The following TMEM232 variants were observed in gnomAD, a reference collection of about 807,000 sequenced individuals.
The protein encoded by TMEM232 is transmembrane protein 232.
A neutral mutation model predicts 78.8 loss-of-function variants in TMEM232; 80 were observed. That is an observed-to-expected ratio of 1.01 (90% CI 0.85 to 1.22). The LOEUF (loss-of-function observed/expected upper bound fraction) is 1.22, where lower values mean the gene tolerates loss of function less well. Ranked by LOEUF, TMEM232 falls within the 50% of genes most tolerant of loss-of-function variation. The pLI is 0.00. For missense variants in TMEM232, 881 were observed against 742.2 expected, an observed-to-expected ratio of 1.19 and a Z score of -2.17; for synonymous variants, 297 against 254.3, an observed-to-expected ratio of 1.17 and a Z score of -1.60.
At chr5:110,649,495 TA>T (rs1466105508) in intron 2 of TMEM232, among the ~76,000 whole-genome samples, 2 of 152,124 alleles carry the variant, frequency 1.3e-5, no homozygotes, top group Non-Finnish European at 2.9e-5. Flanking sequence ...TGTATACTTT[TA>T]ATTATAGCAG....
intron 12 of TMEM232, among the ~76,000 whole-genome samples, chr5:110,425,624 T>C (rs1259890502): frequency 1.3e-5 from 2 of 152,090 alleles, no homozygotes; most frequent in Non-Finnish European, 2.9e-5. Flanking sequence ...CTCTACATTC[T>C]TGACACCCGA....
chr5:110,442,404 T>C (rs1444527434), intron 12 of TMEM232, among the ~76,000 whole-genome samples: 1 of 151,956 alleles, frequency 6.6e-6, no homozygotes, highest in Non-Finnish European at 1.5e-5. Flanking sequence ...AGTTCTGCTA[T>C]TAAGAGACTC....
chr5:110,594,346 A>G (rs1779891938), intron 10 of TMEM232, among the ~76,000 whole-genome samples: 1 of 152,112 alleles, frequency 6.6e-6, no homozygotes, highest in South Asian at 2.1e-4. Flanking sequence ...CTATACCACC[A>G]GGGCCCCAGG....
chr5:110,568,352 A>G, intron 11 of TMEM232, 95 bp downstream of exon 11: 1 of 1,141,150 alleles, frequency 8.8e-7, no homozygotes, highest in Non-Finnish European at 1.2e-6. Context: ...ATTAATACTC[A>G]CTGAATGTAG....
intron 2 of TMEM232, among the ~76,000 whole-genome samples, chr5:110,649,793 T>G (rs1405670887): frequency 6.6e-6 from 1 of 152,126 alleles, no homozygotes; most frequent in Non-Finnish European, 1.5e-5. Flanking sequence ...TTTTACTTAT[T>G]AAGCTTTTTT....
At chr5:110,649,144 C>T (rs1172439047) in intron 2 of TMEM232, among the ~76,000 whole-genome samples, 3 of 151,818 alleles carry the variant, frequency 2.0e-5, no homozygotes, top group Admixed American at 6.6e-5. Context: ...ACAATATAGA[C>T]GATCTTACAA....
intron 2 of TMEM232, among the ~76,000 whole-genome samples, chr5:110,411,404 A>G (rs1755992507): frequency 6.6e-6 from 1 of 151,606 alleles, no homozygotes; most frequent in African/African-American, 2.4e-5. Flanking sequence ...CTCCTTTTTG[A>G]TAGGATATTT....
chr5:110,414,414 A>G (rs1756111694), intron 2 of TMEM232, among the ~76,000 whole-genome samples: 1 of 152,248 alleles, frequency 6.6e-6, no homozygotes, highest in African/African-American at 2.4e-5. Context: ...TGATGCATAC[A>G]TGTTTAGAAC....
At chr5:110,618,618 T>C in intron 7 of TMEM232, 56 bp from the exon 8 acceptor site, 1 of 1,442,646 alleles carries the variant, frequency 6.9e-7, no homozygotes, top group Non-Finnish European at 9.3e-7. Flanking sequence ...TGAGAAAGAG[T>C]ACTCTGACTT....
At chr5:110,483,767 A>G (rs1198563933) in intron 12 of TMEM232, among the ~76,000 whole-genome samples, 1 of 152,164 alleles carries the variant, frequency 6.6e-6, no homozygotes, top group Admixed American at 6.5e-5. Flanking sequence ...AAAGAATGTA[A>G]AACAGAACTC....
Position 110,642,289 on chromosome 5 carries a change from G to C in TMEM232, c.208C>G (p.Leu70Val). 6.5e-7 allele frequency: 1 copy of C among 1,538,580 alleles called. No individual in the cohort carries two copies. Among genetic ancestry groups the C allele is most frequent in the African/African-American group, 1.4e-5 (1 of 72,266 alleles). ...NSKEKEELLE[L>V]ARKIILRCKR... Reference sequence around the variant, plus strand: ...CATCTGAGAATGATTTTTCTAGCTAGTTCCAACAATTCTTCCTTCTCTTTG... The same window carrying C: ...CATCTGAGAATGATTTTTCTAGCTACTTCCAACAATTCTTCCTTCTCTTTG... The change falls in exon 3 of 14, where the codon CTA (leucine) becomes GTA (valine). Residue 70 changes from leucine (L) to valine (V), a missense_variant. Physicochemically the swap from Leu to Val is conservative, Grantham distance 32. Coordinates refer to ENST00000455884, the MANE Select transcript of TMEM232 (RefSeq NM_001039763.4).
At chr5:110,629,065 A>G (rs938330052) in intron 5 of TMEM232, 4 of 152,076 alleles carry the variant, frequency 2.6e-5, no homozygotes, top group African/African-American at 9.6e-5. Context: ...TTGTTGTAGT[A>G]CTGTGTTTCT....
chr5:110,521,638 G>C (rs566842990), intron 12 of TMEM232, among the ~76,000 whole-genome samples: 1 of 152,144 alleles, frequency 6.6e-6, no homozygotes, highest in East Asian at 1.9e-4. Context: ...TTTGTGCTTG[G>C]TGTAAGAGTT....
chr5:110,451,731 A>C (rs1760303163), intron 12 of TMEM232, among the ~76,000 whole-genome samples: 1 of 152,124 alleles, frequency 6.6e-6, no homozygotes. Flanking sequence ...CTTTCTCTCT[A>C]AAAACTCTTA....
chr5:110,411,148 T>C (rs1214569301), intron 2 of TMEM232, among the ~76,000 whole-genome samples: 1 of 152,162 alleles, frequency 6.6e-6, no homozygotes, highest in East Asian at 1.9e-4. Context: ...CATGTTCCTC[T>C]AGTTTGCTGT....
intron 12 of TMEM232, among the ~76,000 whole-genome samples, chr5:110,491,891 T>A (rs1765135330): frequency 6.6e-6 from 1 of 151,800 alleles, no homozygotes; most frequent in South Asian, 2.1e-4. Flanking sequence ...TTAAAATAAA[T>A]TATAAATAGA....
At chr5:110,511,955 C>T (rs1767814175) in intron 12 of TMEM232, among the ~76,000 whole-genome samples, 1 of 152,100 alleles carries the variant, frequency 6.6e-6, no homozygotes, top group African/African-American at 2.4e-5. Context: ...GGAACCTGCA[C>T]ATTCTGTCCC....
At chr5:110,680,937 CAA>C (rs907037071) in intron 1 of TMEM232, among the ~76,000 whole-genome samples, 1 of 151,188 alleles carries the variant, frequency 6.6e-6, no homozygotes, top group Admixed American at 6.6e-5. Context: ...GAAGAATCTG[CAA>C]AGAGAAAGGA....
At chr5:110,546,744 G>T (rs1773824588) in intron 11 of TMEM232, among the ~76,000 whole-genome samples, 1 of 152,098 alleles carries the variant, frequency 6.6e-6, no homozygotes, top group South Asian at 2.1e-4. Context: ...GAGAGTGTCT[G>T]AAGACTAATT....
Sources: allele counts gnomAD v4.1 joint callset (sites outside exome capture counted in the v4.1 genomes callset), GRCh38; gene constraint gnomAD v4.1.1; transcripts MANE v1.5; gene names NCBI Gene and HGNC (gene_info 2026-07-23, HGNC 2026-07-21).